Variants in MPRIP observed in about 807,000 individuals in gnomAD.
MPRIP encodes myosin phosphatase Rho interacting protein.
MPRIP carries 59 observed loss-of-function variants against 234.9 expected under a neutral mutation model. That is an observed-to-expected ratio of 0.25 (90% CI 0.20 to 0.31). The LOEUF is 0.31. Ranked by LOEUF, MPRIP falls within the 10% of genes least tolerant of loss-of-function variation. MPRIP has a pLI of 1.00. For synonymous variants in MPRIP, 1,144 were observed against 1,263.9 expected (o/e 0.91, Z 2.01); for missense variants, 2,436 against 3,071.0 (o/e 0.79, Z 4.89).
At chr17:17,177,202 T>C in intron 21 of MPRIP, 48 bp from the exon 22 acceptor site, 1 of 1,573,842 alleles carries the variant, frequency 6.4e-7, no homozygotes, top group Non-Finnish European at 8.7e-7. Flanking sequence ...TTGTATGTGC[T>C]CCTCTTTCCT....
chr17:17,160,812 A>G (rs1156508687), intron 14 of MPRIP, among the ~76,000 whole-genome samples: 6 of 152,224 alleles, frequency 3.9e-5, no homozygotes, highest in Non-Finnish European at 7.4e-5. Context: ...CCAGCTGAGG[A>G]CACCCAAAGG....
chr17:17,161,991 C>A (rs1006747564), intron 15 of MPRIP, among the ~76,000 whole-genome samples: 1 of 152,242 alleles, frequency 6.6e-6, no homozygotes, highest in African/African-American at 2.4e-5. Context: ...TGCTGACTTT[C>A]CTGCAGCGTG....
intron 3 of MPRIP, among the ~76,000 whole-genome samples, chr17:17,088,447 G>C (rs1279960352): frequency 6.6e-6 from 1 of 152,262 alleles, no homozygotes; most frequent in Non-Finnish European, 1.5e-5. Flanking sequence ...AATTAAGTAA[G>C]AGCGGGGAAA....
rs1179142863 is a variant in MPRIP, at chr17:17,188,329, T to TTTA, written c.*3438_*3440dup. On this transcript the variant is annotated 3_prime_UTR_variant, in exon 24 of 24. Transcript: ENST00000651222. ...GGTGGCAGTATCGCGAATTTGCAGG[T>TTTA]TTATTGAACAAGAGGTAACATCGGA... 53 of 152,234 alleles carry TTTA rather than the reference T, an allele frequency of 3.5e-4. No individual in the cohort carries two copies. The highest frequency in any genetic ancestry group is 3.5e-3 in the Admixed American group (53 of 15,276). The allele number at this position is 152,234 out of a possible 1,614,324, so 9.4% of individuals were successfully genotyped here.
intron 7 of MPRIP, chr17:17,142,385 G>A (rs2045345911): frequency 2.2e-6 from 1 of 460,884 alleles, no homozygotes; most frequent in South Asian, 2.4e-5. Context: ...GCACCACAGA[G>A]CCTGCAGGGC....
intron 3 of MPRIP, among the ~76,000 whole-genome samples, chr17:17,088,904 C>G (rs1352019689): frequency 1.3e-5 from 2 of 152,164 alleles, no homozygotes; most frequent in Admixed American, 1.3e-4. Context: ...CTCTCTGAAC[C>G]CGGGGAGCAG....
chr17:17,165,353 A>C lies in MPRIP; in HGVS notation c.3762A>C (p.Ala1254=). The C allele has an allele frequency of 3.1e-6, 4 of 1,304,132 alleles. No homozygotes were observed. The highest frequency in any genetic ancestry group is 4.0e-6 in the Non-Finnish European group (4 of 988,958). The allele number at this position is 1,304,132 out of a possible 1,614,324, so 80.8% of individuals were successfully genotyped here. A position where few individuals can be genotyped will look rare whatever the true frequency, so the allele number is the denominator to read the frequency against. The change falls in exon 16 of 24, where the codon GCA becomes GCC. Residue 1254 remains alanine, a synonymous_variant. Coordinates refer to ENST00000651222, the MANE Select transcript of MPRIP (RefSeq NM_001364716.4). ...LPGQPVQATR[A]PLGLPHTRLE... ...GCCAACCAGTCCAAGCCACTAGGGC[A>C]CCTCTAGGCCTCCCACACACAAGGC...
intron 12 of MPRIP, among the ~76,000 whole-genome samples, chr17:17,153,431 C>A (rs1456070335): frequency 6.6e-6 from 1 of 152,054 alleles, no homozygotes; most frequent in African/African-American, 2.4e-5. Context: ...AGGCCTCCAG[C>A]TCCATGCAGG....
chr17:17,111,892 C>T (rs909888315), intron 3 of MPRIP, among the ~76,000 whole-genome samples: 1 of 152,168 alleles, frequency 6.6e-6, no homozygotes, highest in African/African-American at 2.4e-5. Flanking sequence ...CACCGAGGCC[C>T]TTCCCCACAT....
chr17:17,177,925 A>ATTTTT (rs35154903), intron 22 of MPRIP, among the ~76,000 whole-genome samples: 1 of 127,264 alleles, frequency 7.9e-6, no homozygotes. Context: ...CTCATACGTA[A>ATTTTT]TTTTTTTTTT....
rs2046193880 is a variant in MPRIP at position 17,173,720 on chromosome 17, G to A, written c.6591-196G>A. 8 of 711,576 alleles carry A rather than the reference G, an allele frequency of 1.1e-5. No individual in the cohort carries two copies. In the East Asian group the frequency reaches 2.2e-4, roughly 19 times the overall value. 44.1% of individuals were successfully genotyped at this position (711,576 alleles called of 1,614,324 possible). A position where few individuals can be genotyped will look rare whatever the true frequency, so the allele number is the denominator to read the frequency against. On this transcript the variant is annotated intron_variant, in intron 18 of 23. Transcript: ENST00000651222. The stretch of plus-strand genomic sequence containing the variant: ...GTGCTAGCTGTAGGACTGTCAGACT[G>A]TGAGAAAGGACCAGGGAGGGGCGTG...
chr17:17,192,427 T>TTTGGGGGG lies in MPRIP; in HGVS notation c.*7533_*7534insTTGGGGGG, dbSNP rs56270914. 4.2e-4 allele frequency: 2 copies of TTTGGGGGG among 4,810 alleles called. 1 individual carries two copies. Among genetic ancestry groups the TTTGGGGGG allele is most frequent in the Non-Finnish European group, 1.0e-3 (2 of 1,922 alleles). The allele number at this position is 4,810 out of a possible 1,614,324, so 0.3% of individuals were successfully genotyped here. On this transcript the variant is annotated 3_prime_UTR_variant, in exon 24 of 24. Coordinates refer to ENST00000651222, the MANE Select transcript of MPRIP (RefSeq NM_001364716.4). Reference sequence around the variant, plus strand: ...ACCAGCTGAGCTGCTGCTTTTTTTTTGGGGGGGGGGGGGGGAGGGGCGTCT... The same window carrying TTTGGGGGG: ...ACCAGCTGAGCTGCTGCTTTTTTTTTTTGGGGGGGGGGGGGGGGGGGGGAGGGGCGTCT...
rs376139861 is a variant in MPRIP at position 17,154,304 on chromosome 17, A to G, written c.1720-2A>G. 1 of 1,613,574 alleles carries G rather than the reference A, an allele frequency of 6.2e-7. No homozygotes were observed. The highest frequency in any genetic ancestry group is 1.3e-5 in the African/African-American group (1 of 74,920). On this transcript the variant is annotated splice_acceptor_variant, in intron 12 of 23. Transcript: ENST00000651222. LOFTEE classifies it high-confidence loss of function. ...TGATGGTGCCTCATCTTTTCTCTGT[A>G]GACAAAGGAGGGCGAGTTTACCCTG...
At chr17:17,119,421 ATTG>A (rs1289526775) in intron 3 of MPRIP, among the ~76,000 whole-genome samples, 2 of 152,216 alleles carry the variant, frequency 1.3e-5, no homozygotes, top group Non-Finnish European at 2.9e-5. Context: ...TGTGCAAACA[ATTG>A]TTAAGTCCAG....
chr17:17,106,380 C>T (rs537895718), intron 3 of MPRIP, among the ~76,000 whole-genome samples: 1 of 152,328 alleles, frequency 6.6e-6, no homozygotes, highest in African/African-American at 2.4e-5. Context: ...GGGCAGGCAG[C>T]AGCAGGAACA....
chr17:17,150,149 C>G lies in MPRIP; in HGVS notation c.1635C>G (p.Ala545=), dbSNP rs756401521. Residue 545 remains alanine, a synonymous_variant, in exon 12 of 24, where the codon GCC becomes GCG. Coordinates refer to ENST00000651222, the MANE Select transcript of MPRIP (RefSeq NM_001364716.4). The part of the protein sequence containing the change: ...YYRDSVAEEA[A]DLDGEIDLSA... ...ATTCTCACTTCCCTCGGCAGGCAGC[C>G]GACTTGGATGGAGAAATTGACTTGT... The G allele has an allele frequency of 6.2e-7, 1 of 1,613,236 alleles. No individual in the cohort carries two copies.
chr17:17,146,166 C>G, intron 10 of MPRIP, 74 bp downstream of exon 10: 1 of 1,407,046 alleles, frequency 7.1e-7, no homozygotes, highest in Non-Finnish European at 1.0e-6. Context: ...TTGTCCCCAG[C>G]CAGTCTGCAA....
At chr17:17,050,596 G>C (rs754094087) in intron 1 of MPRIP, among the ~76,000 whole-genome samples, 1 of 152,198 alleles carries the variant, frequency 6.6e-6, no homozygotes, top group African/African-American at 2.4e-5. Flanking sequence ...CTGGAGTGCT[G>C]CTTCTCTGGG....
At chr17:17,140,269 G>A (rs576373111) in intron 7 of MPRIP, among the ~76,000 whole-genome samples, 10 of 152,176 alleles carry the variant, frequency 6.6e-5, no homozygotes, top group East Asian at 1.9e-4. Flanking sequence ...GCTTCTTCTC[G>A]GAGAGACTCC....
Sources: allele counts gnomAD v4.1 joint callset (sites outside exome capture counted in the v4.1 genomes callset), GRCh38; gene constraint gnomAD v4.1.1; transcripts MANE v1.5; gene names NCBI Gene and HGNC (gene_info 2026-07-23, HGNC 2026-07-21).